The following FBXL20 variants were observed in gnomAD, a reference collection of about 807,000 sequenced individuals.
FBXL20 encodes the protein F-box and leucine rich repeat protein 20, also known as F-box/LRR-repeat protein 20.
A neutral mutation model predicts 64.0 loss-of-function variants in FBXL20; 11 were observed. The ratio of observed to expected loss-of-function variants is 0.17; its 90% CI spans 0.11 to 0.28. The LOEUF (loss-of-function observed/expected upper bound fraction) is 0.28, where lower values mean the gene tolerates loss of function less well. FBXL20 is among the 10% of genes least tolerant of loss of function. The pLI is 1.00. For synonymous variants in FBXL20, 184 were observed against 189.0 expected (o/e 0.97, Z 0.22); for missense variants, 303 against 526.2 (o/e 0.58, Z 4.15).
intron 1 of FBXL20, among the ~76,000 whole-genome samples, chr17:39,381,160 CAAAA>C (rs71300073): frequency 3.1e-5 from 4 of 130,078 alleles, no homozygotes; most frequent in African/African-American, 1.1e-4. Flanking sequence ...AACTCCGTCT[CAAAA>C]AAAAAAAAAG....
At chr17:39,343,300 A>C in intron 1 of FBXL20, 59 bp from the exon 2 acceptor site, 4 of 1,247,666 alleles carry the variant, frequency 3.2e-6, no homozygotes, top group Non-Finnish European at 4.5e-6. Context: ...AGAATGTTCA[A>C]CTCAATAGTT....
intron 1 of FBXL20, among the ~76,000 whole-genome samples, chr17:39,360,603 T>A (rs946142904): frequency 2.0e-5 from 3 of 152,118 alleles, no homozygotes; most frequent in African/African-American, 4.8e-5. Flanking sequence ...GAGTGAGGCA[T>A]GATGAATACA....
chr17:39,322,685 T>C (rs2047368917), intron 2 of FBXL20, among the ~76,000 whole-genome samples: 1 of 152,108 alleles, frequency 6.6e-6, no homozygotes. Context: ...CATGTTTTGA[T>C]AGGAACACAT....
intron 2 of FBXL20, among the ~76,000 whole-genome samples, chr17:39,337,594 C>A (rs1474994853): frequency 6.7e-6 from 1 of 149,968 alleles, no homozygotes; most frequent in African/African-American, 2.5e-5. Context: ...TCTGCCCGGC[C>A]GCGACCCCGT....
chr17:39,301,219 T>C, intron 3 of FBXL20, 144 bp from the exon 4 acceptor site: 1 of 664,652 alleles, frequency 1.5e-6, no homozygotes. Context: ...TCCCAAATGA[T>C]GTGTCTTACT....
intron 1 of FBXL20, among the ~76,000 whole-genome samples, chr17:39,400,609 C>A (rs2048231805): frequency 6.6e-6 from 1 of 152,168 alleles, no homozygotes; most frequent in Admixed American, 6.5e-5. Flanking sequence ...CTCTTCCTTG[C>A]AAGATGACTA....
chr17:39,287,968 C>CTTT (rs34161800), intron 6 of FBXL20, among the ~76,000 whole-genome samples: 52 of 123,826 alleles, frequency 4.2e-4, no homozygotes, highest in South Asian at 1.3e-3. Context: ...GTAATGAAAA[C>CTTT]TTTTTTTTTT....
chr17:39,297,237 C>G, intron 5 of FBXL20, 42 bp from the exon 6 acceptor site: 6 of 1,202,070 alleles, frequency 5.0e-6, no homozygotes, highest in Non-Finnish European at 7.3e-6. Context: ...TGAAATAGGC[C>G]AAATTCCAGT....
intron 1 of FBXL20, among the ~76,000 whole-genome samples, chr17:39,388,640 T>C (rs941260517): frequency 3.3e-5 from 5 of 150,708 alleles, no homozygotes. Flanking sequence ...CCCGCCACCA[T>C]GCCCAGCTAA....
At chr17:39,292,964 T>C (rs1172269657) in intron 6 of FBXL20, among the ~76,000 whole-genome samples, 3 of 152,010 alleles carry the variant, frequency 2.0e-5, no homozygotes, top group African/African-American at 7.2e-5. Flanking sequence ...GGCTAATTTT[T>C]GTATTTTTAG....
At chr17:39,326,911 TCA>T (rs1000137931) in intron 2 of FBXL20, among the ~76,000 whole-genome samples, 1 of 146,370 alleles carries the variant, frequency 6.8e-6, no homozygotes, top group African/African-American at 2.5e-5. Context: ...AAACAGGATC[TCA>T]CTCTGTCACG....
chr17:39,394,473 T>A (rs139102850), intron 1 of FBXL20, among the ~76,000 whole-genome samples: 1,608 of 151,858 alleles, frequency 0.011, 27 homozygotes, highest in African/African-American at 0.037. Flanking sequence ...GAGATGGGGT[T>A]TCACCGTGTT....
In FBXL20 at chr17:39,330,546, G is replaced by A. The variant is rs146363615; in HGVS notation, c.104+12634C>T. Among the ~76,000 whole-genome samples, 241 of 151,996 alleles carry A rather than the reference G, an allele frequency of 1.6e-3. 1 individual carries two copies. The highest frequency in any genetic ancestry group is 6.8e-3 in the Middle Eastern group (2 of 294). ...GGAAGACTGCTTGAACCTGGGAAGC[G>A]GAGGTTGCAGTGAGCCAAGATTACA... On this transcript the variant is annotated intron_variant, in intron 2 of 14. Transcript: ENST00000264658.
At chr17:39,281,557 T>C (rs971933974) in intron 8 of FBXL20, 94 bp from the exon 9 acceptor site, 17 of 981,546 alleles carry the variant, frequency 1.7e-5, no homozygotes, top group Non-Finnish European at 2.5e-5. Context: ...TACATTCTAA[T>C]ACAGCCAACC....
intron 2 of FBXL20, among the ~76,000 whole-genome samples, chr17:39,310,485 C>T (rs891415958): frequency 1.3e-5 from 2 of 152,116 alleles, no homozygotes; most frequent in African/African-American, 4.8e-5. Flanking sequence ...CAGCACAGGG[C>T]AACAGATTTG....
Position 39,263,024 on chromosome 17 carries a change from C to A in FBXL20, c.1203+1151G>T, listed in dbSNP as rs1039443340. Among the ~76,000 whole-genome samples, 6 of 150,476 alleles carry A rather than the reference C, an allele frequency of 4.0e-5. No individual in the cohort carries two copies. The East Asian group carries it at 6.0e-4, about 15-fold the overall frequency. On this transcript the variant is annotated intron_variant, in intron 14 of 14. Transcript: ENST00000264658. The stretch of plus-strand genomic sequence containing the variant: ...CTCAAAAAAAAAGAACAAAAAACTT[C>A]TTTTTCTAGTTATTTGGCTATACCT...
At chr17:39,354,540 CA>C (rs1597815486) in intron 1 of FBXL20, among the ~76,000 whole-genome samples, 1 of 152,262 alleles carries the variant, frequency 6.6e-6, no homozygotes, top group East Asian at 1.9e-4. Flanking sequence ...TCTGTTTTGT[CA>C]CCACAGTATA....
chr17:39,279,102 C>G (rs1198538929), intron 9 of FBXL20, among the ~76,000 whole-genome samples: 1 of 152,020 alleles, frequency 6.6e-6, no homozygotes, highest in African/African-American at 2.4e-5. Flanking sequence ...CGAGATCGCA[C>G]CACTGCACTC....
chr17:39,281,902 G>A (rs571701846), intron 8 of FBXL20, among the ~76,000 whole-genome samples: 2 of 152,262 alleles, frequency 1.3e-5, no homozygotes, highest in African/African-American at 2.4e-5. Context: ...GAAGATAGGT[G>A]CCATGCTTAC....
Sources: allele counts gnomAD v4.1 joint callset (sites outside exome capture counted in the v4.1 genomes callset), GRCh38; gene constraint gnomAD v4.1.1; transcripts MANE v1.5; gene names NCBI Gene and HGNC (gene_info 2026-07-23, HGNC 2026-07-21).